The following WDR41 variants were observed in gnomAD, a reference collection of about 807,000 sequenced individuals.
WDR41 encodes WD repeat domain 41.
WDR41 carries 63 observed loss-of-function variants against 69.3 expected under a neutral mutation model. The observed-to-expected ratio is 0.91, with a 90% CI of 0.74 to 1.12. The LOEUF (loss-of-function observed/expected upper bound fraction) is 1.12, where lower values mean the gene tolerates loss of function less well. Among genes scored for constraint, WDR41 ranks in the 50% most tolerant of loss-of-function variants. WDR41 has a pLI of 0.00. For missense variants in WDR41, 543 were observed against 534.5 expected, an observed-to-expected ratio of 1.02 and a Z score of -0.16; for synonymous variants, 185 against 192.1, an observed-to-expected ratio of 0.96 and a Z score of 0.31.
intron 1 of WDR41, among the ~76,000 whole-genome samples, chr5:77,536,589 C>G (rs1199719743): frequency 6.6e-6 from 1 of 152,166 alleles, no homozygotes; most frequent in Non-Finnish European, 1.5e-5. Context: ...CAGTCAATGA[C>G]AAACCACATA....
chr5:77,438,242 GT>G lies in WDR41; in HGVS notation c.1001del (p.Asn334ThrfsTer4). On this transcript the variant is annotated frameshift_variant, in exon 10 of 13. Transcript: ENST00000296679. LOFTEE classifies it high-confidence loss of function. ...GCAGAACAGATGGGAACTTGTACCT[GT>G]TTGGAAGTCTGGCAACGTGCAGGAC... is the stretch of plus-strand genomic sequence containing the variant. ...SNVLHVARLP[N>X]RQLISCSEDG... 6.2e-7 allele frequency: 1 copy of G among 1,613,934 alleles called. No homozygotes were observed. Among genetic ancestry groups the G allele is most frequent in the African/African-American group, 1.3e-5 (1 of 75,022 alleles).
At chr5:77,442,209 C>A (rs1056960908) in intron 8 of WDR41, among the ~76,000 whole-genome samples, 7 of 152,042 alleles carry the variant, frequency 4.6e-5, no homozygotes, top group Non-Finnish European at 7.4e-5. Flanking sequence ...GAAGGAAATA[C>A]ATAAATGTAC....
At chr5:77,502,178 G>A (rs1464379422) in intron 1 of WDR41, among the ~76,000 whole-genome samples, 1 of 152,154 alleles carries the variant, frequency 6.6e-6, no homozygotes, top group East Asian at 1.9e-4. Context: ...GATCTTAAAT[G>A]ACCTGATGGA....
chr5:77,473,294 C>G (rs1800722165), intron 2 of WDR41, among the ~76,000 whole-genome samples: 1 of 152,128 alleles, frequency 6.6e-6, no homozygotes, highest in Admixed American at 6.5e-5. Context: ...AAAATTAATT[C>G]AAGATGGGTT....
intron 1 of WDR41, among the ~76,000 whole-genome samples, chr5:77,563,363 G>A (rs928070901): frequency 2.0e-5 from 3 of 151,864 alleles, no homozygotes; most frequent in Non-Finnish European, 2.9e-5. Context: ...TCTCATCTAA[G>A]ACCCCTCTAC....
At chr5:77,500,153 C>A (rs1373629793) in intron 1 of WDR41, among the ~76,000 whole-genome samples, 1 of 152,110 alleles carries the variant, frequency 6.6e-6, no homozygotes, top group Admixed American at 6.5e-5. Flanking sequence ...CTGACGAAGA[C>A]TTTAAAACAT....
Position 77,464,745 on chromosome 5 carries a change from C to T in WDR41, c.216+16G>A, listed in dbSNP as rs1800227431. On this transcript the variant is annotated intron_variant, in intron 3 of 12. Transcript: ENST00000296679. Reference sequence around the variant, plus strand: ...TCATATCTTTATCACACAATCCACACATAATCAATACACACCTGGGCATTC... The same window carrying T: ...TCATATCTTTATCACACAATCCACATATAATCAATACACACCTGGGCATTC... 6.2e-7 allele frequency: 1 copy of T among 1,612,910 alleles called. No individual in the cohort carries two copies. The highest frequency in any genetic ancestry group is 8.5e-7 in the Non-Finnish European group (1 of 1,179,128).
At chr5:77,456,222 T>G (rs1431713821) in intron 5 of WDR41, among the ~76,000 whole-genome samples, 1 of 152,202 alleles carries the variant, frequency 6.6e-6, no homozygotes, top group Non-Finnish European at 1.5e-5. Context: ...TTGGCCAGGT[T>G]AGTCGTGAAC....
chr5:77,563,993 T>C (rs1454129505), intron 1 of WDR41, among the ~76,000 whole-genome samples: 1 of 152,178 alleles, frequency 6.6e-6, no homozygotes, highest in Non-Finnish European at 1.5e-5. Flanking sequence ...TCATTATATA[T>C]CTTTGGGTGA....
chr5:77,485,023 T>C (rs1225763925), intron 2 of WDR41, among the ~76,000 whole-genome samples: 1 of 152,220 alleles, frequency 6.6e-6, no homozygotes. Context: ...TTACATCCAG[T>C]AGAGAACTCT....
chr5:77,463,255 C>CTTA (rs781513859), intron 3 of WDR41, 29 bp from the exon 4 acceptor site: 1 of 1,584,588 alleles, frequency 6.3e-7, no homozygotes, highest in Non-Finnish European at 8.6e-7. Context: ...TGTTAATAGG[C>CTTA]TTAGCTTTCA....
intron 1 of WDR41, among the ~76,000 whole-genome samples, chr5:77,548,937 G>A (rs925546560): frequency 2.0e-5 from 3 of 152,108 alleles, no homozygotes; most frequent in Admixed American, 2.0e-4. Context: ...TATATACGAT[G>A]GAATACTACT....
intron 2 of WDR41, among the ~76,000 whole-genome samples, chr5:77,476,869 A>C (rs1164166670): frequency 6.9e-6 from 1 of 145,052 alleles, no homozygotes; most frequent in East Asian, 2.0e-4. Context: ...ATTAAAAGAC[A>C]CAGACTGGCA....
chr5:77,473,858 A>G (rs1329778463), intron 2 of WDR41, among the ~76,000 whole-genome samples: 2 of 151,878 alleles, frequency 1.3e-5, no homozygotes, highest in African/African-American at 2.4e-5. Context: ...GACTTCAACC[A>G]TTGTGGAAGT....
rs746841921 is a variant in WDR41, at chr5:77,489,542, G to A, written c.82C>T (p.Gln28Ter). ...AGTTCAGTGTAGGGATTCTGGGTTTGTTCTTCACCTATTGTCTGTAAAGGA... is the reference window on the plus strand; with the variant it reads ...AGTTCAGTGTAGGGATTCTGGGTTTATTCTTCACCTATTGTCTGTAAAGGA... ...KSPLQTIGEE[Q>*]TQNPYTELLV... Residue 28 changes from glutamine (Q) to a stop codon, truncating the protein, a stop_gained, in exon 2 of 13, where the codon CAA (glutamine) becomes TAA (stop). Coordinates refer to ENST00000296679, the MANE Select transcript of WDR41 (RefSeq NM_018268.4). LOFTEE classifies it high-confidence loss of function. 1 of 1,588,894 alleles carries A rather than the reference G, an allele frequency of 6.3e-7. No homozygotes were observed.
intron 1 of WDR41, chr5:77,491,867 G>C (rs41105): frequency 0.5 from 204,616 of 407,602 alleles, 54,398 homozygotes; most frequent in African/African-American, 0.73. Context: ...GTTGTCACAG[G>C]TCCCAATAGG....
chr5:77,506,000 C>T (rs1248132252), intron 1 of WDR41, among the ~76,000 whole-genome samples: 2 of 152,122 alleles, frequency 1.3e-5, no homozygotes, highest in African/African-American at 4.8e-5. Flanking sequence ...GTCTAAAACA[C>T]CAAAAGCAAT....
At chr5:77,443,192 G>A (rs79386440) in intron 8 of WDR41, among the ~76,000 whole-genome samples, 2,801 of 152,160 alleles carry the variant, frequency 0.018, 63 homozygotes, top group African/African-American at 0.055. Flanking sequence ...TAATAAACGT[G>A]TAGCCATTTT....
chr5:77,519,441 C>G (rs879765405), intron 1 of WDR41, among the ~76,000 whole-genome samples: 2 of 151,700 alleles, frequency 1.3e-5, no homozygotes, highest in African/African-American at 2.4e-5. Context: ...TAATTTATCT[C>G]CAAGTATTTA....
Sources: allele counts gnomAD v4.1 joint callset (sites outside exome capture counted in the v4.1 genomes callset), GRCh38; gene constraint gnomAD v4.1.1; transcripts MANE v1.5; gene names NCBI Gene and HGNC (gene_info 2026-07-23, HGNC 2026-07-21).